Variants in ZNF569 observed in about 807,000 individuals in gnomAD.
ZNF569 encodes the protein DNA-binding protein.
ZNF569 carries 38 observed loss-of-function variants against 56.3 expected under a neutral mutation model. The observed-to-expected ratio is 0.68, with a 90% CI of 0.52 to 0.88. ZNF569 has a LOEUF of 0.88. Ranked by LOEUF, ZNF569 falls within the 40% of genes least tolerant of loss-of-function variation. The pLI, the probability that ZNF569 is intolerant of heterozygous loss-of-function variation, is 0.00. For synonymous variants in ZNF569, 241 were observed against 262.9 expected (o/e 0.92, Z 0.81); for missense variants, 666 against 809.2 (o/e 0.82, Z 2.15).
chr19:37,460,669 T>C lies in ZNF569; in HGVS notation c.-44+4644A>G, dbSNP rs891264528. ...ATTTGCAGGGGCTGAGGCAGAAGTTTGCTTGAACATAGGAGTTCAAAGCTG... is the reference window on the plus strand; with the variant it reads ...ATTTGCAGGGGCTGAGGCAGAAGTTCGCTTGAACATAGGAGTTCAAAGCTG... On this transcript the variant is annotated intron_variant, in intron 2 of 5. Transcript: ENST00000316950. Among the ~76,000 whole-genome samples the C allele has an allele frequency of 5.3e-5, 8 of 152,024 alleles. No individual in the cohort carries two copies. The East Asian group carries it at 1.5e-3, about 29-fold the overall frequency.
Position 37,414,036 on chromosome 19 carries a change from G to A in ZNF569, c.622C>T (p.His208Tyr). 1.9e-6 allele frequency: 3 copies of A among 1,613,430 alleles called. No homozygotes were observed. The highest frequency in any genetic ancestry group is 2.5e-6 in the Non-Finnish European group (3 of 1,179,838). Residue 208 changes from histidine (H) to tyrosine (Y), a missense_variant, in exon 6 of 6, where the codon CAT becomes TAT. His to Tyr is a moderately conservative substitution (Grantham distance 83). Coordinates refer to ENST00000316950, the MANE Select transcript of ZNF569 (RefSeq NM_152484.3). ...TLDLIRHLRI[H>Y]TGEKPYECSN... ...CATTCATAGGGCTTCTCTCCAGTAT[G>A]AATTCTCAGATGTCTGATGAGGTCC...
chr19:37,433,429 T>C (rs560908730), intron 3 of ZNF569, among the ~76,000 whole-genome samples: 2 of 152,074 alleles, frequency 1.3e-5, no homozygotes, highest in Non-Finnish European at 2.9e-5. Flanking sequence ...GGGTAGAAAG[T>C]TTATTCGATG....
At position 37,412,188 on chromosome 19, in the gene ZNF569, CATT is replaced by C. The variant is rs1338784317; in HGVS notation, c.*406_*408del. On this transcript the variant is annotated 3_prime_UTR_variant, in exon 6 of 6. Coordinates refer to ENST00000316950, the MANE Select transcript of ZNF569 (RefSeq NM_152484.3). Reference sequence around the variant, plus strand: ...TTTATAACTTGATAAAGACCTAACTCATTGTTGTGTTTATTCTTAGGTTTTCTA... The same window carrying C: ...TTTATAACTTGATAAAGACCTAACTCGTTGTGTTTATTCTTAGGTTTTCTA... The C allele has an allele frequency of 2.6e-5, 4 of 156,660 alleles. No individual in the cohort carries two copies. The highest frequency in any genetic ancestry group is 1.9e-4 in the East Asian group (1 of 5,288). The allele number at this position is 156,660 out of a possible 1,614,324, so 9.7% of individuals were successfully genotyped here. A position where few individuals can be genotyped will look rare whatever the true frequency, so the allele number is the denominator to read the frequency against.
At chr19:37,437,647 T>C (rs2041333575) in intron 3 of ZNF569, among the ~76,000 whole-genome samples, 1 of 152,018 alleles carries the variant, frequency 6.6e-6, no homozygotes, top group African/African-American at 2.4e-5. Flanking sequence ...GGATACAAAA[T>C]CAACATAGAA....
At position 37,467,351 on chromosome 19, in the gene ZNF569, G is replaced by GT. The variant is rs3840939; in HGVS notation, c.-473dup. 4,955 of 156,506 alleles carry GT rather than the reference G, an allele frequency of 0.032. 255 individuals carry two copies. Among genetic ancestry groups the GT allele is most frequent in the African/African-American group, 0.1 (4,318 of 41,598 alleles). The allele number at this position is 156,506 out of a possible 1,614,324, so 9.7% of individuals were successfully genotyped here. A position where few individuals can be genotyped will look rare whatever the true frequency, so the allele number is the denominator to read the frequency against. On this transcript the variant is annotated 5_prime_UTR_variant, in exon 1 of 6. Transcript: ENST00000316950. ...CTCCGCGCAGGGGAGCTCAGCCTAG[G>GT]TTTTGCACGAGCGGCCTCCCGCGAG... is the stretch of plus-strand genomic sequence containing the variant.
Position 37,456,291 on chromosome 19 carries a change from C to T in ZNF569, c.-44+9022G>A, listed in dbSNP as rs28458339. ...TTGGTCAGTATATATCACGGACATACGGTCATTTCAATCCGTATATTTATT... is the reference window on the plus strand; with the variant it reads ...TTGGTCAGTATATATCACGGACATATGGTCATTTCAATCCGTATATTTATT... On this transcript the variant is annotated intron_variant, in intron 2 of 5. Transcript: ENST00000316950. Among the ~76,000 whole-genome samples, 1,188 of 152,182 alleles carry T rather than the reference C, an allele frequency of 7.8e-3. 14 individuals carry two copies. Among genetic ancestry groups the T allele is most frequent in the African/African-American group, 0.026 (1,084 of 41,518 alleles).
rs561891830 is a variant in ZNF569, at chr19:37,426,242, T to C, written c.142+10A>G. On this transcript the variant is annotated intron_variant, in intron 4 of 5. Transcript: ENST00000316950. ...TCCAGAGTTTGAATTATATAGTAAATTACTCTTACCTACTGTGATTAAGTT... is the reference window on the plus strand; with the variant it reads ...TCCAGAGTTTGAATTATATAGTAAACTACTCTTACCTACTGTGATTAAGTT... 1.9e-6 allele frequency: 3 copies of C among 1,597,886 alleles called. No individual in the cohort carries two copies. The African/African-American group carries it at 4.1e-5, about 22-fold the overall frequency.
intron 3 of ZNF569, among the ~76,000 whole-genome samples, chr19:37,443,502 A>G (rs901782119): frequency 2.0e-5 from 3 of 152,190 alleles, no homozygotes; most frequent in Admixed American, 2.0e-4. Context: ...CAAGTGTACT[A>G]GGTGATCTTC....
Position 37,414,315 on chromosome 19 carries a change from A to G in ZNF569, c.343T>C (p.Cys115Arg), listed in dbSNP as rs77693590. The change falls in exon 6 of 6, where the codon TGT becomes CGT. Residue 115 changes from cysteine to arginine, a missense_variant. Coordinates refer to ENST00000316950, the MANE Select transcript of ZNF569 (RefSeq NM_152484.3). Reference sequence around the variant, plus strand: ...AATACATTTGCAAATTTCTTTTGACATTCATTGCCTTTTTCTTCAGTCAGT... The same window carrying G: ...AATACATTTGCAAATTTCTTTTGACGTTCATTGCCTTTTTCTTCAGTCAGT... Reference protein sequence around the residue: ...KTLTEEKGNECQKKFANVFPL... With the variant: ...KTLTEEKGNERQKKFANVFPL... 5.3e-5 allele frequency: 85 copies of G among 1,613,602 alleles called. No individual in the cohort carries two copies. In the East Asian group the frequency reaches 1.9e-3, roughly 36 times the overall value.
intron 1 of ZNF569, among the ~76,000 whole-genome samples, chr19:37,466,063 T>C (rs1455205957): frequency 6.6e-6 from 1 of 152,166 alleles, no homozygotes; most frequent in Non-Finnish European, 1.5e-5. Context: ...ATATAGAACA[T>C]ATGAATGTAT....
At chr19:37,467,894 T>A (rs1219459395), upstream of ZNF569, 3 of 1,536,006 alleles carry the variant, frequency 2.0e-6, no homozygotes, top group African/African-American at 4.1e-5. Flanking sequence ...AGAGACAATG[T>A]GCATGTATTT....
chr19:37,451,236 C>T (rs1419057404), intron 2 of ZNF569, among the ~76,000 whole-genome samples: 2 of 151,804 alleles, frequency 1.3e-5, no homozygotes, highest in Non-Finnish European at 2.9e-5. Flanking sequence ...CCTGTCTCTG[C>T]TAAAAATACA....
intron 5 of ZNF569, among the ~76,000 whole-genome samples, chr19:37,422,574 C>T (rs1234606448): frequency 6.6e-6 from 1 of 152,092 alleles, no homozygotes; most frequent in African/African-American, 2.4e-5. Context: ...AGGGCTGCCA[C>T]AAGCCTTCAA....
At chr19:37,437,083 C>T (rs1363010698) in intron 3 of ZNF569, among the ~76,000 whole-genome samples, 3 of 148,064 alleles carry the variant, frequency 2.0e-5, no homozygotes, top group Non-Finnish European at 4.5e-5. Context: ...AAATCCTCAA[C>T]AAAATACTAG....
At chr19:37,428,134 A>C (rs2041165281) in intron 3 of ZNF569, among the ~76,000 whole-genome samples, 3 of 152,236 alleles carry the variant, frequency 2.0e-5, no homozygotes, top group Admixed American at 6.5e-5. Flanking sequence ...AATACTTGGG[A>C]AAAAGAATTT....
In ZNF569 at chr19:37,413,292, G is replaced by A; in HGVS notation, c.1366C>T (p.His456Tyr). The A allele has an allele frequency of 1.9e-6, 3 of 1,610,346 alleles. No homozygotes were observed. The highest frequency in any genetic ancestry group is 2.5e-6 in the Non-Finnish European group (3 of 1,178,884). ...AFIQMSNLVRHQRIHTGEKPY... is the reference protein window; with the variant it reads ...AFIQMSNLVRYQRIHTGEKPY... Reference sequence around the variant, plus strand: ...TTTTCCCCAGTATGAATTCTCTGGTGTCTAACAAGATTTGACATCTGTATA... The same window carrying A: ...TTTTCCCCAGTATGAATTCTCTGGTATCTAACAAGATTTGACATCTGTATA... Residue 456 changes from histidine (H) to tyrosine (Y), a missense_variant, in exon 6 of 6, where the codon CAC becomes TAC. By Grantham distance (83) the His-to-Tyr change is moderately conservative. Transcript: ENST00000316950.
At chr19:37,429,706 A>G (rs960237344) in intron 3 of ZNF569, among the ~76,000 whole-genome samples, 3 of 152,220 alleles carry the variant, frequency 2.0e-5, no homozygotes, top group Non-Finnish European at 4.4e-5. Flanking sequence ...AGGCTATTAA[A>G]GTCTGGACTA....
rs1473510337 is a variant in ZNF569, at chr19:37,425,972, G to A, written c.143-9C>T. ...TTTGGTGAACGGATAGCCTGTCAAA[G>A]GGAAGTTACATAGATTTGGGCATAC... On this transcript the variant is annotated splice_polypyrimidine_tract_variant and intron_variant, in intron 4 of 5. Transcript: ENST00000316950. The A allele has an allele frequency of 6.2e-7, 1 of 1,613,532 alleles. No individual in the cohort carries two copies. The highest frequency in any genetic ancestry group is 1.3e-5 in the African/African-American group (1 of 74,972).
upstream of ZNF569, chr19:37,469,186 G>A (rs1444932860): frequency 8.0e-6 from 10 of 1,242,336 alleles, no homozygotes; most frequent in South Asian, 7.6e-5. Context: ...AGTGTGGGAG[G>A]ACCTGGTGGG....
Sources: gnomAD v4.1 joint callset for allele counts (sites outside exome capture counted in the v4.1 genomes callset) on GRCh38, gnomAD v4.1.1 for gene constraint, MANE v1.5 for transcripts, NCBI Gene and HGNC (gene_info 2026-07-23, HGNC 2026-07-21) for gene names.